The following KSR2 variants were observed in gnomAD, a reference collection of about 807,000 sequenced individuals.
KSR2 encodes the protein kinase suppressor of ras 2.
KSR2 carries 25 observed loss-of-function variants against 107.8 expected under a neutral mutation model. That is an observed-to-expected ratio of 0.23 (90% confidence interval 0.17 to 0.32). The LOEUF is 0.32. Among genes scored for constraint, KSR2 ranks in the 10% least tolerant of loss-of-function variants. The pLI is 1.00. For synonymous variants in KSR2, 480 were observed against 507.0 expected (o/e 0.95, Z 0.71); for missense variants, 887 against 1,268.9 (o/e 0.70, Z 4.57).
At chr12:117,708,741 C>T (rs1404354525) in intron 4 of KSR2, among the ~76,000 whole-genome samples, 3 of 152,124 alleles carry the variant, frequency 2.0e-5, no homozygotes. Context: ...AGGGTCATTC[C>T]GGCAGGAGAC....
intron 9 of KSR2, among the ~76,000 whole-genome samples, chr12:117,542,633 T>C (rs1222756563): frequency 1.3e-5 from 2 of 152,172 alleles, no homozygotes; most frequent in Admixed American, 1.3e-4. Context: ...TCTCCATATC[T>C]GTCCAGTATA....
intron 3 of KSR2, among the ~76,000 whole-genome samples, chr12:117,800,189 G>A (rs929144385): frequency 1.3e-5 from 2 of 152,176 alleles, no homozygotes; most frequent in Admixed American, 1.3e-4. Context: ...GGAGGAAGAA[G>A]GGCAGAAGCC....
chr12:117,736,833 GAA>G lies in KSR2; in HGVS notation c.986+24176_986+24177del, dbSNP rs936020790. ...GTCTCAAAAAAAAAAAAAAAGAAAA[GAA>G]AAGAAAATTAAAAAGAGTAAACATC... On this transcript the variant is annotated intron_variant, in intron 4 of 19. Transcript: ENST00000339824. Among the ~76,000 whole-genome samples, 231 of 150,244 alleles carry G rather than the reference GAA, an allele frequency of 1.5e-3. 1 individual carries two copies. Among genetic ancestry groups the G allele is most frequent in the African/African-American group, 5.3e-3 (216 of 40,982 alleles).
At position 117,484,399 on chromosome 12, in the gene KSR2, T is replaced by G. The variant is rs575630194; in HGVS notation, c.2450+17A>C. 6.2e-7 allele frequency: 1 copy of G among 1,613,498 alleles called. No individual in the cohort carries two copies. The highest frequency in any genetic ancestry group is 2.2e-5 in the East Asian group (1 of 44,870). ...CATCTGTCAGGAAACTCTCCGGGTC[T>G]TCCCACTGCCTCTCACCTGCCAGCC... On this transcript the variant is annotated intron_variant, in intron 16 of 19. Transcript: ENST00000339824.
At chr12:117,541,252 G>A (rs112582825) in intron 9 of KSR2, among the ~76,000 whole-genome samples, 154 of 131,716 alleles carry the variant, frequency 1.2e-3, no homozygotes, top group African/African-American at 4.2e-3. Context: ...GCAGGCAGGG[G>A]GGAACAGTAG....
At chr12:117,658,206 G>C (rs1232113759) in intron 5 of KSR2, among the ~76,000 whole-genome samples, 1 of 152,256 alleles carries the variant, frequency 6.6e-6, no homozygotes, top group Admixed American at 6.5e-5. Context: ...CTGGGCTGTA[G>C]ACTATGAACA....
intron 13 of KSR2, 46 bp from the exon 14 acceptor site, chr12:117,525,265 C>A: frequency 6.6e-7 from 1 of 1,520,256 alleles, no homozygotes; most frequent in Non-Finnish European, 8.9e-7. Context: ...CTGCCACTGC[C>A]CCAGCCTCCC....
intron 3 of KSR2, among the ~76,000 whole-genome samples, chr12:117,809,495 G>A (rs1024361909): frequency 6.6e-6 from 1 of 152,152 alleles, no homozygotes; most frequent in Non-Finnish European, 1.5e-5. Flanking sequence ...ATCACCCCCA[G>A]TTGAGATTCA....
intron 1 of KSR2, among the ~76,000 whole-genome samples, chr12:117,938,920 T>C (rs1039633544): frequency 5.9e-5 from 9 of 152,232 alleles, no homozygotes; most frequent in Non-Finnish European, 1.0e-4. Flanking sequence ...GACTGGACTA[T>C]TTATGCATTT....
intron 1 of KSR2, among the ~76,000 whole-genome samples, chr12:117,965,726 T>A (rs976587282): frequency 6.6e-6 from 1 of 152,246 alleles, no homozygotes; most frequent in Non-Finnish European, 1.5e-5. Flanking sequence ...CAGAAATACC[T>A]GGACTGTTTA....
At chr12:117,717,705 G>GCA (rs1353992488) in intron 4 of KSR2, among the ~76,000 whole-genome samples, 24 of 145,280 alleles carry the variant, frequency 1.7e-4, no homozygotes, top group African/African-American at 5.3e-4. Context: ...GTGTGTGTGT[G>GCA]TGTGTGTGCA....
intron 1 of KSR2, among the ~76,000 whole-genome samples, chr12:117,919,605 C>T (rs1375797602): frequency 6.6e-6 from 1 of 152,196 alleles, no homozygotes. Flanking sequence ...CTCACTAACT[C>T]CTGTTTTGTT....
intron 14 of KSR2, among the ~76,000 whole-genome samples, chr12:117,518,228 G>A (rs1874514110): frequency 6.6e-6 from 1 of 152,152 alleles, no homozygotes; most frequent in Admixed American, 6.5e-5. Flanking sequence ...TTGGTGACAT[G>A]CGCCAAATGA....
chr12:117,717,666 G>GTATGTGT (rs1887038768), intron 4 of KSR2, among the ~76,000 whole-genome samples: 88 of 144,478 alleles, frequency 6.1e-4, no homozygotes, highest in African/African-American at 1.9e-3. Context: ...GGGGCAGACA[G>GTATGTGT]GTGTGTGTGT....
intron 4 of KSR2, among the ~76,000 whole-genome samples, chr12:117,747,589 TTAAAA>T (rs370596687): frequency 4.5e-4 from 68 of 151,708 alleles, no homozygotes; most frequent in Non-Finnish European, 8.4e-4. Flanking sequence ...ATCCCGGAAC[TTAAAA>T]TAAAATAAAA....
At chr12:117,632,670 T>C (rs1882864861) in intron 5 of KSR2, among the ~76,000 whole-genome samples, 1 of 152,188 alleles carries the variant, frequency 6.6e-6, no homozygotes, top group Non-Finnish European at 1.5e-5. Context: ...AAGCTGTTTT[T>C]CGATCCTCTC....
At chr12:117,917,367 C>T (rs1483141342) in intron 1 of KSR2, among the ~76,000 whole-genome samples, 1 of 151,896 alleles carries the variant, frequency 6.6e-6, no homozygotes, top group Non-Finnish European at 1.5e-5. Context: ...ATAGCGAGAC[C>T]CTGTCTCTAA....
At chr12:117,736,373 T>C (rs958687200) in intron 4 of KSR2, among the ~76,000 whole-genome samples, 1 of 152,216 alleles carries the variant, frequency 6.6e-6, no homozygotes, top group Non-Finnish European at 1.5e-5. Context: ...TCTCCTCTTC[T>C]GGCAAGAGCC....
intron 1 of KSR2, among the ~76,000 whole-genome samples, chr12:117,871,090 G>A (rs903260427): frequency 3.9e-5 from 6 of 152,182 alleles, no homozygotes; most frequent in Admixed American, 2.0e-4. Context: ...GCCAAATGCT[G>A]TAATGAGCAC....
Sources: allele counts gnomAD v4.1 joint callset (sites outside exome capture counted in the v4.1 genomes callset), GRCh38; gene constraint gnomAD v4.1.1; transcripts MANE v1.5; gene names NCBI Gene and HGNC (gene_info 2026-07-23, HGNC 2026-07-21).